Variants in CLK2 observed in about 807,000 individuals in gnomAD.
CLK2 encodes the protein CDC like kinase 2, also known as dual specificity protein kinase CLK2.
Under a neutral mutation model 73.5 loss-of-function variants are expected in CLK2, and 12 were observed. That is an observed-to-expected ratio of 0.16 (90% CI 0.10 to 0.26). The LOEUF (loss-of-function observed/expected upper bound fraction) is 0.26. Among genes scored for constraint, CLK2 ranks in the 10% least tolerant of loss-of-function variants. The pLI is 1.00. For synonymous variants in CLK2, 232 were observed against 237.9 expected (o/e 0.98, Z 0.23); for missense variants, 509 against 688.4 (o/e 0.74, Z 2.92).
chr1:155,267,294 T>C (rs1227583927), intron 6 of CLK2, among the ~76,000 whole-genome samples: 5 of 152,126 alleles, frequency 3.3e-5, no homozygotes, highest in African/African-American at 2.4e-5. Flanking sequence ...GGTTTCACCA[T>C]ATTGGCCAGG....
chr1:155,268,250 C>T lies in CLK2; in HGVS notation c.554+43G>A. 6.3e-7 allele frequency: 1 copy of T among 1,597,334 alleles called. No individual in the cohort carries two copies. Among genetic ancestry groups the T allele is most frequent in the Non-Finnish European group, 8.6e-7 (1 of 1,164,744 alleles). Reference sequence around the variant, plus strand: ...GCAAAAAAGCCCCATATAACCCCAACCATCTCTTTAGCCCCACATAGTAGG... The same window carrying T: ...GCAAAAAAGCCCCATATAACCCCAATCATCTCTTTAGCCCCACATAGTAGG... On this transcript the variant is annotated intron_variant, in intron 5 of 12. Coordinates refer to ENST00000368361, the MANE Select transcript of CLK2 (RefSeq NM_001294338.2). This position sits in a 1 kb window ranked among gnomAD's most constrained non-coding sequence, Gnocchi z 5.6.
intron 7 of CLK2, 39 bp from the exon 8 acceptor site, chr1:155,265,993 GC>G: frequency 7.0e-7 from 1 of 1,427,242 alleles, no homozygotes; most frequent in Non-Finnish European, 9.9e-7. Flanking sequence ...GGTGCAGGTG[GC>G]CAGAGCTAAC....
chr1:155,265,234 G>A (rs983333300), intron 8 of CLK2, among the ~76,000 whole-genome samples: 2 of 152,106 alleles, frequency 1.3e-5, no homozygotes, highest in Non-Finnish European at 2.9e-5. Context: ...TTAGTCAAAG[G>A]AGCCGAGCTT....
Position 155,263,125 on chromosome 1 carries a change from A to G in CLK2, c.*93T>C. The G allele has an allele frequency of 8.0e-7, 1 of 1,244,860 alleles. No homozygotes were observed. Among genetic ancestry groups the G allele is most frequent in the Non-Finnish European group, 1.1e-6 (1 of 912,468 alleles). The allele number at this position is 1,244,860 out of a possible 1,614,324, so 77.1% of individuals were successfully genotyped here. A position where few individuals can be genotyped will look rare whatever the true frequency, so the allele number is the denominator to read the frequency against. On this transcript the variant is annotated 3_prime_UTR_variant, in exon 13 of 13. Coordinates refer to ENST00000368361, the MANE Select transcript of CLK2 (RefSeq NM_001294338.2). ...ATAGAGAGCCAGGAGGAAGGAGTGA[A>G]CTCTGGCTCGTTCTCTTGTATAAAA...
In CLK2 at chr1:155,268,149, T is replaced by C; in HGVS notation, c.555-23A>G. 1 of 1,600,606 alleles carries C rather than the reference T, an allele frequency of 6.2e-7. No homozygotes were observed. ...CCCCTGTAAGTTGGCAGGAGAGGCTTTTGCTGGGTTCTCAAGAATGTCTCA... is the reference window on the plus strand; with the variant it reads ...CCCCTGTAAGTTGGCAGGAGAGGCTCTTGCTGGGTTCTCAAGAATGTCTCA... On this transcript the variant is annotated intron_variant, in intron 5 of 12. Transcript: ENST00000368361. The surrounding 1 kb of genome is among the most constrained non-coding windows in gnomAD (Gnocchi z 5.6).
At chr1:155,272,386 G>T (rs1418693243) in intron 1 of CLK2, among the ~76,000 whole-genome samples, 4 of 152,128 alleles carry the variant, frequency 2.6e-5, no homozygotes, top group Non-Finnish European at 5.9e-5. Flanking sequence ...AATGGAATTG[G>T]AATGGGATGG....
intron 7 of CLK2, among the ~76,000 whole-genome samples, 180 bp from the exon 8 acceptor site, chr1:155,266,134 A>AAGAGATATGTAAGATACAT (rs1673222421): frequency 3.3e-5 from 5 of 151,652 alleles, no homozygotes; most frequent in African/African-American, 1.2e-4. Flanking sequence ...TGCTCTTTCT[A>AAGAGATATGTAAGATACAT]ATGTAAGATA....
chr1:155,263,139 T>A lies in CLK2; in HGVS notation c.*79A>T. On this transcript the variant is annotated 3_prime_UTR_variant, in exon 13 of 13. Transcript: ENST00000368361. Reference sequence around the variant, plus strand: ...GGAAGGAGTGAACTCTGGCTCGTTCTCTTGTATAAAAAAGCACCAGTGTCC... The same window carrying A: ...GGAAGGAGTGAACTCTGGCTCGTTCACTTGTATAAAAAAGCACCAGTGTCC... The A allele has an allele frequency of 7.1e-7, 1 of 1,402,848 alleles. No individual in the cohort carries two copies. The highest frequency in any genetic ancestry group is 1.4e-5 in the South Asian group (1 of 71,900). 86.9% of individuals were successfully genotyped at this position (1,402,848 alleles called of 1,614,324 possible).
rs750526255 is a variant in CLK2, at chr1:155,268,806, G to C, written c.400-11C>G. 30 of 1,606,762 alleles carry C rather than the reference G, an allele frequency of 1.9e-5. No individual in the cohort carries two copies. Among genetic ancestry groups the C allele is most frequent in the Non-Finnish European group, 2.4e-5 (28 of 1,176,938 alleles). On this transcript the variant is annotated splice_polypyrimidine_tract_variant and intron_variant, in intron 3 of 12. Transcript: ENST00000368361. The surrounding 1 kb of genome is among the most constrained non-coding windows in gnomAD (Gnocchi z 5.6). ...CCGGCTGCTGTGCTGCTGTCGGGGGGCAGGGGGGGTCGGAGCAAGCCAGGT... is the reference window on the plus strand; with the variant it reads ...CCGGCTGCTGTGCTGCTGTCGGGGGCCAGGGGGGGTCGGAGCAAGCCAGGT...
chr1:155,271,149 T>G (rs893559588), intron 1 of CLK2, among the ~76,000 whole-genome samples, 172 bp from the exon 2 acceptor site: 2 of 152,140 alleles, frequency 1.3e-5, no homozygotes. Context: ...CTTATTGGAG[T>G]ACAGCCACCT....
Position 155,269,673 on chromosome 1 carries a change from G to A in CLK2, c.214C>T (p.Arg72Ter). 6.2e-7 allele frequency: 1 copy of A among 1,614,186 alleles called. No individual in the cohort carries two copies. Among genetic ancestry groups the A allele is most frequent in the Non-Finnish European group, 8.5e-7 (1 of 1,180,044 alleles). Residue 72 changes from arginine to a stop codon, truncating the protein, a stop_gained, in exon 3 of 13, where the codon CGA (arginine) becomes TGA (stop). Transcript: ENST00000368361. LOFTEE classifies it high-confidence loss of function. ...RSSDRRVYDR[R>*]YCGSYRRNDY... ...TTGCGTCTGTAGCTGCCACAGTATC[G>A]CCGGTCATACACCCTCCGGTCGGAC...
chr1:155,268,454 G>A lies in CLK2; in HGVS notation c.488-95C>T, dbSNP rs1673335226. 1 of 999,842 alleles carries A rather than the reference G, an allele frequency of 1.0e-6. No homozygotes were observed. 61.9% of individuals were successfully genotyped at this position (999,842 alleles called of 1,614,324 possible). Reference sequence around the variant, plus strand: ...AAAAAGGGGACAGCAACCTGGGGTGGAGATGAAGGAAGGGGAACAGATACA... The same window carrying A: ...AAAAAGGGGACAGCAACCTGGGGTGAAGATGAAGGAAGGGGAACAGATACA... On this transcript the variant is annotated intron_variant, in intron 4 of 12. Coordinates refer to ENST00000368361, the MANE Select transcript of CLK2 (RefSeq NM_001294338.2). This position sits in a 1 kb window ranked among gnomAD's most constrained non-coding sequence, Gnocchi z 5.6.
At chr1:155,264,925 C>G in intron 8 of CLK2, 151 bp from the exon 9 acceptor site, 2 of 845,156 alleles carry the variant, frequency 2.4e-6, no homozygotes, top group Admixed American at 2.4e-5. Flanking sequence ...CAGCTTCCAC[C>G]ACATCCAGCA....
chr1:155,273,056 C>G (rs1358522313), intron 1 of CLK2, 145 bp downstream of exon 1: 1 of 152,516 alleles, frequency 6.6e-6, no homozygotes, highest in South Asian at 2.1e-4. Context: ...CTCCTTCCCC[C>G]TCATCTCCCT....
rs1572022723 is a variant in CLK2 at position 155,271,090 on chromosome 1, T to C, written c.1-113A>G. The C allele has an allele frequency of 5.5e-6, 6 of 1,095,168 alleles. No individual in the cohort carries two copies. The East Asian group carries it at 1.4e-4, about 26-fold the overall frequency. The allele number at this position is 1,095,168 out of a possible 1,614,324, so 67.8% of individuals were successfully genotyped here. A position where few individuals can be genotyped will look rare whatever the true frequency, so the allele number is the denominator to read the frequency against. On this transcript the variant is annotated intron_variant, in intron 1 of 12. Transcript: ENST00000368361. ...GCTTTCCCCTCTTATTTCTGCCTCT[T>C]TTTACCAGGCACAACTTCCTCAGTC...
In CLK2 at chr1:155,263,117, A is replaced by C; in HGVS notation, c.*101T>G. The C allele has an allele frequency of 8.9e-7, 1 of 1,127,236 alleles. No homozygotes were observed. The highest frequency in any genetic ancestry group is 1.2e-6 in the Non-Finnish European group (1 of 809,088). 69.8% of individuals were successfully genotyped at this position (1,127,236 alleles called of 1,614,324 possible). ...ACAGGTATATAGAGAGCCAGGAGGA[A>C]GGAGTGAACTCTGGCTCGTTCTCTT... On this transcript the variant is annotated 3_prime_UTR_variant, in exon 13 of 13. Transcript: ENST00000368361.
chr1:155,265,498 T>G (rs1199955056), intron 8 of CLK2, among the ~76,000 whole-genome samples: 1 of 151,588 alleles, frequency 6.6e-6, no homozygotes, highest in South Asian at 2.1e-4. Context: ...ACCTGGGAGG[T>G]AGAGGTTGCA....
Position 155,268,177 on chromosome 1 carries a change from A to G in CLK2, c.555-51T>C, listed in dbSNP as rs775934761. The G allele has an allele frequency of 5.1e-6, 8 of 1,577,900 alleles. No homozygotes were observed. The East Asian group carries it at 1.8e-4, about 35-fold the overall frequency. On this transcript the variant is annotated intron_variant, in intron 5 of 12. Transcript: ENST00000368361. The surrounding 1 kb of genome is among the most constrained non-coding windows in gnomAD (Gnocchi z 5.6). ...GCTGGGTTCTCAAGAATGTCTCAAAATGAACAGGGCTGTAGGGGGACTAAG... is the reference window on the plus strand; with the variant it reads ...GCTGGGTTCTCAAGAATGTCTCAAAGTGAACAGGGCTGTAGGGGGACTAAG...
chr1:155,263,078 T>C lies in CLK2; in HGVS notation c.*140A>G. The C allele has an allele frequency of 1.3e-6, 1 of 760,204 alleles. No homozygotes were observed. Among genetic ancestry groups the C allele is most frequent in the Non-Finnish European group, 2.1e-6 (1 of 484,792 alleles). 47.1% of individuals were successfully genotyped at this position (760,204 alleles called of 1,614,324 possible). On this transcript the variant is annotated 3_prime_UTR_variant, in exon 13 of 13. Transcript: ENST00000368361. ...GGTACAAGTTCTTTCATATTTACAC[T>C]ATTTCACATATTCACAGGTATATAG...
Sources: gnomAD v4.1 joint callset for allele counts (sites outside exome capture counted in the v4.1 genomes callset) on GRCh38, gnomAD v4.1.1 for gene constraint, Gnocchi (gnomAD v3.1) non-coding constraint, MANE v1.5 for transcripts, NCBI Gene and HGNC (gene_info 2026-07-23, HGNC 2026-07-21) for gene names.